GAL3ST1: variants seen among roughly 807,000 people sequenced by gnomAD.
GAL3ST1 encodes the protein galactose-3-O-sulfotransferase 1, also known as galactosylceramide sulfotransferase.
A neutral mutation model predicts 25.0 loss-of-function variants in GAL3ST1; 13 were observed. The observed-to-expected ratio is 0.52, with a 90% CI of 0.34 to 0.83. GAL3ST1 has a LOEUF of 0.83. Ranked by LOEUF, GAL3ST1 falls within the 40% of genes least tolerant of loss-of-function variation. The pLI is 0.02. For synonymous variants in GAL3ST1, 274 were observed against 277.8 expected, an observed-to-expected ratio of 0.99 and a Z score of 0.14; for missense variants, 474 against 613.6, an observed-to-expected ratio of 0.77 and a Z score of 2.40.
Position 30,555,945 on chromosome 22 carries a change from T to C in GAL3ST1, c.280A>G (p.Ile94Val). The change falls in exon 4 of 4, where the codon ATC becomes GTC. Residue 94 changes from isoleucine (I) to valine (V), a missense_variant. Physicochemically the swap from Ile to Val is conservative, Grantham distance 29. Coordinates refer to ENST00000406361, the MANE Select transcript of GAL3ST1 (RefSeq NM_001318104.2). This position sits in a 1 kb window ranked among gnomAD's most constrained non-coding sequence, Gnocchi z 8.6. ...HKTASSTLLNILFRFGQKHRL... is the reference protein window; with the variant it reads ...HKTASSTLLNVLFRFGQKHRL... ...TGCTTCTGGCCGAAGCGGAACAGGATGTTGAGCAGGGTGCTGCTGGCCGTC... is the reference window on the plus strand; with the variant it reads ...TGCTTCTGGCCGAAGCGGAACAGGACGTTGAGCAGGGTGCTGCTGGCCGTC... 1 of 1,613,972 alleles carries C rather than the reference T, an allele frequency of 6.2e-7. No homozygotes were observed. The highest frequency in any genetic ancestry group is 8.5e-7 in the Non-Finnish European group (1 of 1,179,980).
chr22:30,555,976 C>T lies in GAL3ST1; in HGVS notation c.249G>A (p.Thr83=), dbSNP rs749937085. ...QPRRNIVFLK[T]HKTASSTLLN... ...GCAGGGTGCTGCTGGCCGTCTTGTGCGTCTTCAAGAACACGATGTTGCGCC... is the reference window on the plus strand; with the variant it reads ...GCAGGGTGCTGCTGGCCGTCTTGTGTGTCTTCAAGAACACGATGTTGCGCC... Residue 83 remains threonine, a synonymous_variant, in exon 4 of 4, where the codon ACG becomes ACA. Transcript: ENST00000406361. The surrounding 1 kb of genome is among the most constrained non-coding windows in gnomAD (Gnocchi z 8.6). 1.2e-6 allele frequency: 2 copies of T among 1,613,750 alleles called. No individual in the cohort carries two copies. The highest frequency in any genetic ancestry group is 1.1e-5 in the South Asian group (1 of 91,076).
chr22:30,558,031 G>A (rs1270416171), intron 2 of GAL3ST1, among the ~76,000 whole-genome samples: 2 of 151,466 alleles, frequency 1.3e-5, no homozygotes. Context: ...CAAGCAATCC[G>A]CCCGCCTTGG....
intron 1 of GAL3ST1, among the ~76,000 whole-genome samples, chr22:30,568,139 G>A (rs977989160): frequency 1.7e-4 from 26 of 152,208 alleles, no homozygotes; most frequent in African/African-American, 6.3e-4. Context: ...GATGGACAAC[G>A]GATTGTCTGA....
At position 30,570,443 on chromosome 22, in the gene GAL3ST1, G is replaced by A. The variant is rs150070494; in HGVS notation, c.-120+4023C>T. 1.6e-4 allele frequency among the ~76,000 whole-genome samples: 24 copies of A among 152,322 alleles called. No individual in the cohort carries two copies. In the East Asian group the frequency reaches 3.9e-3, roughly 24 times the overall value. On this transcript the variant is annotated intron_variant, in intron 1 of 3. Transcript: ENST00000406361. ...CCACTGCAGTATCATTTCCTCCAGTGCTCACAGAGCCTTTACCCCCATTTA... is the reference window on the plus strand; with the variant it reads ...CCACTGCAGTATCATTTCCTCCAGTACTCACAGAGCCTTTACCCCCATTTA...
At position 30,557,308 on chromosome 22, in the gene GAL3ST1, C is replaced by T. The variant is rs2267161; in HGVS notation, c.85G>A (p.Val29Met). 0.31 allele frequency: 497,724 copies of T among 1,613,592 alleles called. 78,135 individuals carry two copies. The highest frequency in any genetic ancestry group is 0.37 in the African/African-American group (27,446 of 74,982). Residue 29 changes from valine (V) to methionine (M), a missense_variant, in exon 3 of 4, where the codon GTG (valine) becomes ATG (methionine). Coordinates refer to ENST00000406361, the MANE Select transcript of GAL3ST1 (RefSeq NM_001318104.2). ...AGCGGGGGCACGGCATAGGAGTACA[C>T]CAGCAGCAGGAAACTAGTGAAGAGC... Reference protein sequence around the residue: ...GALFTSFLLLVYSYAVPPLHA... With the variant: ...GALFTSFLLLMYSYAVPPLHA...
At chr22:30,571,132 G>C (rs2086773396) in intron 1 of GAL3ST1, among the ~76,000 whole-genome samples, 1 of 152,194 alleles carries the variant, frequency 6.6e-6, no homozygotes, top group African/African-American at 2.4e-5. Flanking sequence ...TGTGGCCGAG[G>C]CAAGACACTC....
Position 30,557,381 on chromosome 22 carries a change from C to A in GAL3ST1, c.12G>T (p.Pro4=). The A allele has an allele frequency of 1.2e-6, 2 of 1,614,174 alleles. No homozygotes were observed. The highest frequency in any genetic ancestry group is 1.7e-6 in the Non-Finnish European group (2 of 1,180,004). The change falls in exon 3 of 4, where the codon CCG becomes CCT. Residue 4 remains proline, a synonymous_variant. Transcript: ENST00000406361. Reference sequence around the variant, plus strand: ...CCATGGACTCCCAGGGCTTCTTCTGCGGTGGCAGCATCTCAGACACCTGCA... The same window carrying A: ...CCATGGACTCCCAGGGCTTCTTCTGAGGTGGCAGCATCTCAGACACCTGCA... MLP[P]QKKPWESMAK...
intron 1 of GAL3ST1, among the ~76,000 whole-genome samples, chr22:30,566,614 T>TA (rs1490121112): frequency 7.0e-6 from 1 of 142,980 alleles, no homozygotes; most frequent in Non-Finnish European, 1.6e-5. Flanking sequence ...TGATAACATC[T>TA]TTTTTTTTTT....
intron 1 of GAL3ST1, among the ~76,000 whole-genome samples, chr22:30,558,836 A>G (rs1003925574): frequency 6.6e-6 from 1 of 152,218 alleles, no homozygotes; most frequent in Non-Finnish European, 1.5e-5. Context: ...GTATATTCCA[A>G]ATATTGCATG....
intron 2 of GAL3ST1, 168 bp from the exon 3 acceptor site, chr22:30,557,569 G>A (rs1444541933): frequency 1.5e-6 from 1 of 646,856 alleles, no homozygotes; most frequent in East Asian, 2.8e-5. Context: ...ACAACCACCT[G>A]GAAAGAGACA....
chr22:30,562,536 T>C (rs2086466995), intron 1 of GAL3ST1, among the ~76,000 whole-genome samples: 2 of 152,148 alleles, frequency 1.3e-5, no homozygotes, highest in Admixed American at 6.5e-5. Context: ...TATCATACCA[T>C]TGACTCTGAC....
intron 1 of GAL3ST1, among the ~76,000 whole-genome samples, chr22:30,569,585 G>T (rs865832165): frequency 6.6e-6 from 1 of 150,876 alleles, no homozygotes; most frequent in Non-Finnish European, 1.5e-5. Flanking sequence ...GGAGCAAAGA[G>T]GGGGGTCTTG....
At chr22:30,557,505 TG>T in intron 2 of GAL3ST1, 104 bp from the exon 3 acceptor site, 1 of 1,301,888 alleles carries the variant, frequency 7.7e-7, no homozygotes, top group Non-Finnish European at 1.1e-6. Context: ...GCCTGCTCTG[TG>T]GCCCCCCAGC....
chr22:30,555,390 T>C lies in GAL3ST1; in HGVS notation c.835A>G (p.Asn279Asp). Residue 279 changes from asparagine (N) to aspartate (D), a missense_variant, in exon 4 of 4, where the codon AAC (asparagine) becomes GAC (aspartate). This residue lies in a region of GAL3ST1 where 359 missense variants were observed against 504.4 expected (regional missense o/e 0.71). Coordinates refer to ENST00000406361, the MANE Select transcript of GAL3ST1 (RefSeq NM_001318104.2). The surrounding 1 kb of genome is among the most constrained non-coding windows in gnomAD (Gnocchi z 8.6). ...GGCACGGGCGAGTCGCGGCGGGCGTTGAGCTTGAAGTAGAGCACGTCCTCC... is the reference window on the plus strand; with the variant it reads ...GGCACGGGCGAGTCGCGGCGGGCGTCGAGCTTGAAGTAGAGCACGTCCTCC... ...ELEDVLYFKL[N>D]ARRDSPVPRL... 1 of 1,609,028 alleles carries C rather than the reference T, an allele frequency of 6.2e-7. No homozygotes were observed. The highest frequency in any genetic ancestry group is 8.5e-7 in the Non-Finnish European group (1 of 1,179,854).
intron 1 of GAL3ST1, 52 bp downstream of exon 1, chr22:30,574,407 CAGGGAGT>C (rs947725541): frequency 2.0e-5 from 3 of 152,134 alleles, no homozygotes; most frequent in Non-Finnish European, 4.4e-5. Context: ...GCGGTATCCC[CAGGGAGT>C]AGACTGAGGC....
intron 1 of GAL3ST1, among the ~76,000 whole-genome samples, chr22:30,567,289 T>C (rs1331288791): frequency 1.3e-5 from 2 of 152,220 alleles, no homozygotes; most frequent in African/African-American, 4.8e-5. Context: ...TTTTGTTTTT[T>C]TGACACAAGG....
intron 1 of GAL3ST1, among the ~76,000 whole-genome samples, chr22:30,563,078 T>C (rs2086496927): frequency 6.6e-6 from 1 of 152,078 alleles, no homozygotes; most frequent in Admixed American, 6.6e-5. Flanking sequence ...ATTGCGCCAT[T>C]GCACTCCAGC....
At chr22:30,572,004 A>G (rs909692708) in intron 1 of GAL3ST1, among the ~76,000 whole-genome samples, 3 of 152,212 alleles carry the variant, frequency 2.0e-5, no homozygotes, top group African/African-American at 7.2e-5. Context: ...AATGAGGAGC[A>G]AGGCCACAGC....
chr22:30,573,611 T>C (rs1601994655), intron 1 of GAL3ST1, among the ~76,000 whole-genome samples: 2 of 152,318 alleles, frequency 1.3e-5, no homozygotes, highest in South Asian at 4.1e-4. Context: ...CTCTCTCCCC[T>C]CTGGAGGATT....
Sources: gnomAD v4.1 joint callset for allele counts (sites outside exome capture counted in the v4.1 genomes callset) on GRCh38, gnomAD v4.1.1 for gene constraint, gnomAD v4.1.1 regional missense constraint, Gnocchi (gnomAD v3.1) non-coding constraint, MANE v1.5 for transcripts, NCBI Gene and HGNC (gene_info 2026-07-23, HGNC 2026-07-21) for gene names.